Variants in LRRC4C observed in about 807,000 individuals in gnomAD.
LRRC4C encodes the protein leucine rich repeat containing 4C, also known as leucine-rich repeat-containing protein 4C.
In LRRC4C, 5 loss-of-function variants were observed where a neutral mutation model predicts 33.6. That is an observed-to-expected ratio of 0.15 (90% CI 0.08 to 0.31). LRRC4C has a LOEUF of 0.31. Among genes scored for constraint, LRRC4C ranks in the 10% least tolerant of loss-of-function variants. The pLI is 1.00. For missense variants in LRRC4C, 560 were observed against 796.7 expected, an observed-to-expected ratio of 0.70 and a Z score of 3.58; for synonymous variants, 329 against 302.0, an observed-to-expected ratio of 1.09 and a Z score of -0.93.
chr11:41,154,700 T>A (rs1944148588), intron 1 of LRRC4C, among the ~76,000 whole-genome samples: 1 of 152,158 alleles, frequency 6.6e-6, no homozygotes, highest in African/African-American at 2.4e-5. Flanking sequence ...TTGATATCAT[T>A]GGCAAGAAAG....
intron 2 of LRRC4C, among the ~76,000 whole-genome samples, chr11:40,792,155 C>T (rs1241648387): frequency 6.6e-6 from 1 of 152,004 alleles, no homozygotes; most frequent in East Asian, 1.9e-4. Context: ...TAGCCCTATT[C>T]TAGCATTTGC....
intron 1 of LRRC4C, among the ~76,000 whole-genome samples, chr11:41,293,572 A>AT (rs894464135): frequency 9.9e-5 from 15 of 151,776 alleles, no homozygotes; most frequent in African/African-American, 3.4e-4. Flanking sequence ...ATGTTATTTT[A>AT]TTTTTTTATT....
intron 3 of LRRC4C, among the ~76,000 whole-genome samples, chr11:40,598,865 C>A (rs1251274329): frequency 6.6e-6 from 1 of 152,120 alleles, no homozygotes; most frequent in African/African-American, 2.4e-5. Flanking sequence ...TAAATAGGAT[C>A]ACAGTGGGGA....
At chr11:40,902,343 G>A (rs1423463580) in intron 2 of LRRC4C, among the ~76,000 whole-genome samples, 1 of 152,076 alleles carries the variant, frequency 6.6e-6, no homozygotes, top group East Asian at 1.9e-4. Context: ...TGTTGTATGT[G>A]TCTGACAGTT....
intron 1 of LRRC4C, among the ~76,000 whole-genome samples, chr11:41,131,005 TAACAGG>T (rs1942985870): frequency 6.6e-6 from 1 of 152,028 alleles, no homozygotes; most frequent in Non-Finnish European, 1.5e-5. Context: ...ATATTTACAA[TAACAGG>T]AAATATTAGT....
intron 1 of LRRC4C, among the ~76,000 whole-genome samples, chr11:40,980,706 T>C (rs1015244235): frequency 2.6e-5 from 4 of 152,200 alleles, no homozygotes; most frequent in African/African-American, 4.8e-5. Flanking sequence ...TCGTATTTCA[T>C]GACAGTTTGT....
rs34787819 is a variant in LRRC4C at position 40,713,055 on chromosome 11, A to AT, written c.-406-64778dup. ...AGGCACATGCCACAATGCCTGGCTA[A>AT]TTTTTTTTTTTTTTTTTTAGTAGAG... On this transcript the variant is annotated intron_variant, in intron 2 of 6. Coordinates refer to ENST00000528697, the MANE Select transcript of LRRC4C (RefSeq NM_001258419.2). Among the ~76,000 whole-genome samples, 890 of 136,902 alleles carry AT rather than the reference A, an allele frequency of 6.5e-3. 6 individuals carry two copies. Among genetic ancestry groups the AT allele is most frequent in the African/African-American group, 0.018 (658 of 36,872 alleles). 89.8% of individuals were successfully genotyped at this position (136,902 alleles called of 152,430 possible). A position where few individuals can be genotyped will look rare whatever the true frequency, so the allele number is the denominator to read the frequency against.
chr11:40,340,235 A>G (rs1946806543), intron 3 of LRRC4C, among the ~76,000 whole-genome samples: 1 of 152,186 alleles, frequency 6.6e-6, no homozygotes, highest in Non-Finnish European at 1.5e-5. Flanking sequence ...CCCATAATGC[A>G]TATGAAATTC....
At chr11:40,937,603 ATGTGTGTG>A (rs35416837) in intron 1 of LRRC4C, among the ~76,000 whole-genome samples, 52 of 136,006 alleles carry the variant, frequency 3.8e-4, no homozygotes, top group African/African-American at 7.5e-4. Flanking sequence ...GTGTGTGTAT[ATGTGTGTG>A]TGTGTGTGTG....
At chr11:40,229,038 CAA>C (rs1446541088) in intron 5 of LRRC4C, among the ~76,000 whole-genome samples, 2 of 152,234 alleles carry the variant, frequency 1.3e-5, no homozygotes, top group Non-Finnish European at 2.9e-5. Context: ...AATTCTTTTA[CAA>C]AGGGAGGGAA....
At chr11:40,544,151 T>C (rs1226965860) in intron 3 of LRRC4C, among the ~76,000 whole-genome samples, 1 of 152,106 alleles carries the variant, frequency 6.6e-6, no homozygotes, top group Non-Finnish European at 1.5e-5. Flanking sequence ...TGACCGATAT[T>C]TAAACTTTCA....
At chr11:40,960,230 TAA>T (rs1351698246) in intron 1 of LRRC4C, among the ~76,000 whole-genome samples, 1 of 151,790 alleles carries the variant, frequency 6.6e-6, no homozygotes, top group Non-Finnish European at 1.5e-5. Context: ...AATTGCATTA[TAA>T]AGTCTTTTGA....
intron 5 of LRRC4C, among the ~76,000 whole-genome samples, chr11:40,197,785 C>T (rs1565121420): frequency 6.6e-6 from 1 of 152,110 alleles, no homozygotes; most frequent in African/African-American, 2.4e-5. Flanking sequence ...TTTCAAGTGT[C>T]AGGGGAACAA....
chr11:41,427,116 G>A (rs1170827982), intron 1 of LRRC4C, among the ~76,000 whole-genome samples: 1 of 152,156 alleles, frequency 6.6e-6, no homozygotes, highest in African/African-American at 2.4e-5. Flanking sequence ...TATGGTAGAT[G>A]ATGACTTAGG....
At chr11:41,111,597 G>T (rs1941835209) in intron 1 of LRRC4C, among the ~76,000 whole-genome samples, 1 of 152,024 alleles carries the variant, frequency 6.6e-6, no homozygotes, top group Non-Finnish European at 1.5e-5. Context: ...TAAAATGGAG[G>T]CAAAGACATG....
At chr11:41,336,357 T>TA (rs959535340) in intron 1 of LRRC4C, among the ~76,000 whole-genome samples, 5 of 151,102 alleles carry the variant, frequency 3.3e-5, no homozygotes, top group South Asian at 2.1e-4. Flanking sequence ...CATAATTGTT[T>TA]AAAAAAAAGT....
intron 3 of LRRC4C, among the ~76,000 whole-genome samples, chr11:40,547,805 A>G (rs926845425): frequency 2.0e-5 from 3 of 152,154 alleles, no homozygotes; most frequent in Non-Finnish European, 4.4e-5. Flanking sequence ...TCAAAATTTG[A>G]CTTCCCAGAT....
chr11:40,831,667 C>T (rs546799132), intron 2 of LRRC4C, among the ~76,000 whole-genome samples: 3 of 152,190 alleles, frequency 2.0e-5, no homozygotes, highest in Non-Finnish European at 4.4e-5. Flanking sequence ...CTCAGTTCTA[C>T]ATGGCTGCAG....
At chr11:41,063,458 G>T (rs919702195) in intron 1 of LRRC4C, among the ~76,000 whole-genome samples, 2 of 152,132 alleles carry the variant, frequency 1.3e-5, no homozygotes, top group African/African-American at 4.8e-5. Flanking sequence ...TAAGAATGAT[G>T]GAGAGTTTGT....
Sources: allele counts gnomAD v4.1 joint callset (sites outside exome capture counted in the v4.1 genomes callset), GRCh38; gene constraint gnomAD v4.1.1; transcripts MANE v1.5; gene names NCBI Gene and HGNC (gene_info 2026-07-23, HGNC 2026-07-21).